MYL4: variants seen among roughly 807,000 people sequenced by gnomAD.
The protein encoded by MYL4 is atrial myosin light chain 1.
Under a neutral mutation model 21.6 loss-of-function variants are expected in MYL4, and 16 were observed. That is an observed-to-expected ratio of 0.74 (90% CI 0.50 to 1.12). The LOEUF (loss-of-function observed/expected upper bound fraction) is 1.12. Among genes scored for constraint, MYL4 ranks in the 50% most tolerant of loss-of-function variants. MYL4 has a pLI of 0.00. For synonymous variants in MYL4, 82 were observed against 95.7 expected, an observed-to-expected ratio of 0.86 and a Z score of 0.83; for missense variants, 249 against 252.9, an observed-to-expected ratio of 0.98 and a Z score of 0.11.
chr17:47,200,300 G>A (rs1598646587), upstream of MYL4: 1 of 152,122 alleles, frequency 6.6e-6, no homozygotes, highest in East Asian at 1.9e-4. Flanking sequence ...GCTGAGAAAG[G>A]ATTTAGGCTC....
upstream of MYL4, among the ~76,000 whole-genome samples, chr17:47,208,497 A>C (rs916725038): frequency 6.6e-6 from 1 of 151,982 alleles, no homozygotes; most frequent in Non-Finnish European, 1.5e-5. Flanking sequence ...AGATTTAATG[A>C]GATTTTATAT....
chr17:47,193,827 C>G, the MYL4 span, among the ~76,000 whole-genome samples: 1 of 152,042 alleles, frequency 6.6e-6, no homozygotes, highest in Non-Finnish European at 1.5e-5. Flanking sequence ...GTGATCTCAG[C>G]CCGCTGCAAC....
rs759787679 is a variant in MYL4 at position 47,209,521 on chromosome 17, T to TCCC, written c.100_102dup (p.Pro34dup). Reference sequence around the variant, plus strand: ...CAGCCCCTGCCCCAGCTCCTGAGGCTCCCAAGGAACCTGCCTTTGACCCCA... The same window carrying TCCC: ...CAGCCCCTGCCCCAGCTCCTGAGGCTCCCCCCAAGGAACCTGCCTTTGACCCCA... On this transcript the variant is annotated inframe_insertion, in exon 1 of 7. Coordinates refer to ENST00000393450, the MANE Select transcript of MYL4 (RefSeq NM_002476.2). The TCCC allele has an allele frequency of 4.3e-5, 69 of 1,613,984 alleles. No homozygotes were observed. Among genetic ancestry groups the TCCC allele is most frequent in the Non-Finnish European group, 5.3e-5 (63 of 1,180,016 alleles).
chr17:47,197,617 T>G (rs1432310648), upstream of MYL4, among the ~76,000 whole-genome samples: 1 of 152,192 alleles, frequency 6.6e-6, no homozygotes, highest in Non-Finnish European at 1.5e-5. Context: ...CAGTAGAAAC[T>G]GTACTTCAGA....
At chr17:47,221,633 G>A in intron 3 of MYL4, 49 bp from the exon 4 acceptor site, 2 of 1,574,058 alleles carry the variant, frequency 1.3e-6, no homozygotes, top group Non-Finnish European at 1.7e-6. Context: ...CTGCTCCCTT[G>A]AGCACCTGCT....
upstream of MYL4, among the ~76,000 whole-genome samples, chr17:47,198,042 A>G (rs2064695856): frequency 6.6e-6 from 1 of 152,158 alleles, no homozygotes; most frequent in African/African-American, 2.4e-5. Flanking sequence ...TGACCTCATG[A>G]GACCAGAATT....
chr17:47,227,210 T>A (rs1466874752), downstream of MYL4, among the ~76,000 whole-genome samples: 1 of 152,238 alleles, frequency 6.6e-6, no homozygotes, highest in Non-Finnish European at 1.5e-5. Context: ...ACTTATTTGC[T>A]GCCTCCATGG....
chr17:47,210,151 C>T (rs1266799573), intron 1 of MYL4, among the ~76,000 whole-genome samples: 4 of 152,174 alleles, frequency 2.6e-5, no homozygotes, highest in Non-Finnish European at 5.9e-5. Flanking sequence ...GCCTTTCCTT[C>T]TGTGGCCTTA....
At chr17:47,197,606 T>TA (rs2064694342), upstream of MYL4, among the ~76,000 whole-genome samples, 1 of 152,166 alleles carries the variant, frequency 6.6e-6, no homozygotes, top group Admixed American at 6.5e-5. Flanking sequence ...CAATGTGCAG[T>TA]CAGTAGAAAC....
chr17:47,197,957 T>C (rs773523166), upstream of MYL4, among the ~76,000 whole-genome samples: 1 of 152,160 alleles, frequency 6.6e-6, no homozygotes, highest in Non-Finnish European at 1.5e-5. Context: ...ATAAAAACCT[T>C]TGGGTTCCTG....
chr17:47,220,137 T>C (rs896036554), intron 3 of MYL4, 84 bp downstream of exon 3: 9 of 1,447,584 alleles, frequency 6.2e-6, no homozygotes, highest in Non-Finnish European at 8.2e-6. Context: ...TTCTCTGCCA[T>C]CTGCACTCTC....
intron 2 of MYL4, among the ~76,000 whole-genome samples, chr17:47,218,487 C>T (rs1397526385): frequency 6.6e-6 from 1 of 152,116 alleles, no homozygotes; most frequent in Non-Finnish European, 1.5e-5. Flanking sequence ...GGTTGAATCC[C>T]AATCAATGAA....
At chr17:47,191,337 T>C in the MYL4 span, among the ~76,000 whole-genome samples, 1 of 152,178 alleles carries the variant, frequency 6.6e-6, no homozygotes, top group Non-Finnish European at 1.5e-5. Flanking sequence ...AAGAAAGGGA[T>C]AAGTAAGAGC....
At chr17:47,221,080 A>G (rs1192229319) in intron 3 of MYL4, among the ~76,000 whole-genome samples, 3 of 152,240 alleles carry the variant, frequency 2.0e-5, no homozygotes, top group Admixed American at 2.0e-4. Context: ...CATTTGTGAT[A>G]TTTAAAAATA....
the MYL4 span, among the ~76,000 whole-genome samples, chr17:47,189,943 A>G: frequency 2.0e-5 from 3 of 152,140 alleles, no homozygotes; most frequent in Non-Finnish European, 4.4e-5. Context: ...AGAGAGGGCA[A>G]TTGTGATAAG....
chr17:47,212,742 C>A (rs2064785437), intron 1 of MYL4, among the ~76,000 whole-genome samples: 1 of 152,212 alleles, frequency 6.6e-6, no homozygotes, highest in South Asian at 2.1e-4. Flanking sequence ...ACTTTCTTAT[C>A]AAGCTGGCTG....
At chr17:47,221,567 C>T in intron 3 of MYL4, 115 bp from the exon 4 acceptor site, 1 of 1,218,220 alleles carries the variant, frequency 8.2e-7, no homozygotes, top group Non-Finnish European at 1.1e-6. Flanking sequence ...CCAGAATTGG[C>T]TGCAGCCCAA....
At chr17:47,190,072 AGAAGGCATTAATTG>A in the MYL4 span, among the ~76,000 whole-genome samples, 2 of 152,238 alleles carry the variant, frequency 1.3e-5, no homozygotes, top group Non-Finnish European at 2.9e-5. Flanking sequence ...CAGTCTGCTA[AGAAGGCATTAATTG>A]GAAATAGTTA....
intron 1 of MYL4, among the ~76,000 whole-genome samples, chr17:47,203,303 C>T (rs1299033180): frequency 6.6e-6 from 1 of 152,130 alleles, no homozygotes; most frequent in South Asian, 2.1e-4. Context: ...GTACTATCCT[C>T]CATATCTCTT....
Sources: allele counts gnomAD v4.1 joint callset (sites outside exome capture counted in the v4.1 genomes callset), GRCh38; gene constraint gnomAD v4.1.1; transcripts MANE v1.5; gene names NCBI Gene and HGNC (gene_info 2026-07-23, HGNC 2026-07-21).